ZNF131: variants seen among roughly 807,000 people sequenced by gnomAD.
ZNF131 encodes the protein zinc finger protein 131.
Under a neutral mutation model 60.0 loss-of-function variants are expected in ZNF131, and 7 were observed. The ratio of observed to expected loss-of-function variants is 0.12; its 90% confidence interval spans 0.07 to 0.22. The LOEUF (loss-of-function observed/expected upper bound fraction) is 0.22, where lower values mean the gene tolerates loss of function less well. ZNF131 is among the 10% of genes least tolerant of loss of function. The pLI, the probability that ZNF131 is intolerant of heterozygous loss-of-function variation, is 1.00. For missense variants in ZNF131, 493 were observed against 740.9 expected (o/e 0.67, Z 3.88); for synonymous variants, 257 against 253.2 (o/e 1.01, Z -0.14).
At chr5:43,135,372 C>G (rs1745944522) in intron 3 of ZNF131, among the ~76,000 whole-genome samples, 1 of 152,058 alleles carries the variant, frequency 6.6e-6, no homozygotes, top group Non-Finnish European at 1.5e-5. Flanking sequence ...ATATTGACAC[C>G]ATAAAGAATA....
At chr5:43,170,383 C>T (rs879193169) in intron 5 of ZNF131, among the ~76,000 whole-genome samples, 1 of 152,192 alleles carries the variant, frequency 6.6e-6, no homozygotes, top group African/African-American at 2.4e-5. Flanking sequence ...TCTAGGACCT[C>T]CTCATTACTG....
At chr5:43,122,955 C>A (rs1224109724) in intron 2 of ZNF131, among the ~76,000 whole-genome samples, 3 of 152,150 alleles carry the variant, frequency 2.0e-5, no homozygotes, top group Non-Finnish European at 4.4e-5. Flanking sequence ...CAAGAGGCTC[C>A]TTACCTAGTG....
chr5:43,175,587 G>T lies in ZNF131; in HGVS notation c.*454G>T. 1 of 621,730 alleles carries T rather than the reference G, an allele frequency of 1.6e-6. No individual in the cohort carries two copies. The highest frequency in any genetic ancestry group is 2.8e-6 in the Non-Finnish European group (1 of 351,778). 38.5% of individuals were successfully genotyped at this position (621,730 alleles called of 1,614,324 possible). ...AACACAAGGCTGCATGATGAAAAGT[G>T]CATTGTTACTGTGCAGTTAAATTTT... On this transcript the variant is annotated 3_prime_UTR_variant, in exon 7 of 7. Transcript: ENST00000682664.
In ZNF131 at chr5:43,172,570, C is replaced by T. The variant is rs376761427; in HGVS notation, c.1055-748C>T. 1.4e-3 allele frequency among the ~76,000 whole-genome samples: 216 copies of T among 150,346 alleles called. 6 individuals are homozygous for T. The South Asian group carries it at 0.043, about 30-fold the overall frequency. On this transcript the variant is annotated intron_variant, in intron 5 of 6. Coordinates refer to ENST00000682664, the MANE Select transcript of ZNF131 (RefSeq NM_001330707.2). Reference sequence around the variant, plus strand: ...CCGGGAGGCGGAGGTTGCAGTGAGCCGAGATTGTGCCACTGCACTCCAGCC... The same window carrying T: ...CCGGGAGGCGGAGGTTGCAGTGAGCTGAGATTGTGCCACTGCACTCCAGCC...
At chr5:43,143,521 C>A in intron 4 of ZNF131, 1 of 727,656 alleles carries the variant, frequency 1.4e-6, no homozygotes, top group Non-Finnish European at 2.0e-6. Context: ...AGCCAGACAT[C>A]GTTTCTTATT....
chr5:43,139,960 A>G (rs1384994182), intron 4 of ZNF131, among the ~76,000 whole-genome samples: 4 of 152,232 alleles, frequency 2.6e-5, no homozygotes, highest in African/African-American at 4.8e-5. Flanking sequence ...TTACGCCTGT[A>G]ATCCCAGCAC....
chr5:43,145,182 T>A (rs1253322261), intron 4 of ZNF131, among the ~76,000 whole-genome samples: 1 of 152,136 alleles, frequency 6.6e-6, no homozygotes, highest in Non-Finnish European at 1.5e-5. Context: ...GTCATAAGCC[T>A]CTAAAATCTC....
In ZNF131 at chr5:43,171,125, T is replaced by G. The variant is rs568448619; in HGVS notation, c.1055-2193T>G. On this transcript the variant is annotated intron_variant, in intron 5 of 6. Transcript: ENST00000682664. The stretch of plus-strand genomic sequence containing the variant: ...ACCCCCAGCTAATTATTTTTTTATT[T>G]CTAGTAGAGACAGGGTTTCACTATG... Among the ~76,000 whole-genome samples, 3 of 151,898 alleles carry G rather than the reference T, an allele frequency of 2.0e-5. No individual in the cohort carries two copies. The East Asian group carries it at 5.8e-4, about 30-fold the overall frequency.
chr5:43,137,763 G>A (rs35949944), intron 3 of ZNF131, among the ~76,000 whole-genome samples: 14,766 of 152,242 alleles, frequency 0.097, 851 homozygotes, highest in East Asian at 0.19. Flanking sequence ...TCAGGATCTT[G>A]AAGTTTTAGC....
At chr5:43,157,770 T>C (rs1204606999) in intron 4 of ZNF131, among the ~76,000 whole-genome samples, 1 of 152,188 alleles carries the variant, frequency 6.6e-6, no homozygotes, top group Non-Finnish European at 1.5e-5. Flanking sequence ...CCCAAGACAC[T>C]AAGGGGAGCA....
chr5:43,153,446 T>G, intron 4 of ZNF131, among the ~76,000 whole-genome samples: 3 of 119,052 alleles, frequency 2.5e-5, no homozygotes, highest in Admixed American at 1.1e-4. Context: ...ACCAACATGG[T>G]GAACTCCCAT....
At chr5:43,168,975 C>A (rs115584519) in intron 5 of ZNF131, among the ~76,000 whole-genome samples, 2 of 152,132 alleles carry the variant, frequency 1.3e-5, no homozygotes, top group African/African-American at 4.8e-5. Flanking sequence ...GAGGGAAATA[C>A]CAGACATGTT....
chr5:43,173,927 T>C (rs1751295147), intron 6 of ZNF131, among the ~76,000 whole-genome samples: 1 of 152,170 alleles, frequency 6.6e-6, no homozygotes. Context: ...TTGAAATGTT[T>C]CTCAAAATGT....
intron 4 of ZNF131, among the ~76,000 whole-genome samples, chr5:43,149,803 C>CTT (rs55674525): frequency 4.6e-5 from 7 of 151,858 alleles, no homozygotes; most frequent in Admixed American, 2.0e-4. Flanking sequence ...TTTTAATCGG[C>CTT]TTTTTTGCCA....
intron 4 of ZNF131, 34 bp from the exon 5 acceptor site, chr5:43,161,215 T>C (rs55714804): frequency 0.21 from 317,228 of 1,531,012 alleles, 35,515 homozygotes; most frequent in Middle Eastern, 0.28. Context: ...GATCTTCTTA[T>C]AGATTTTTTA....
At chr5:43,140,248 A>G (rs1239047081) in intron 4 of ZNF131, among the ~76,000 whole-genome samples, 1 of 152,212 alleles carries the variant, frequency 6.6e-6, no homozygotes, top group Non-Finnish European at 1.5e-5. Context: ...AAAACGTGAA[A>G]GGATATAATG....
At chr5:43,159,322 C>G (rs914891629) in intron 4 of ZNF131, among the ~76,000 whole-genome samples, 11 of 152,130 alleles carry the variant, frequency 7.2e-5, no homozygotes, top group Non-Finnish European at 1.6e-4. Flanking sequence ...TGAAGAGACT[C>G]AAGGAGAATT....
chr5:43,167,939 C>CTAAGAA (rs1298577309), intron 5 of ZNF131: 6 of 452,022 alleles, frequency 1.3e-5, no homozygotes, highest in African/African-American at 1.2e-4. Flanking sequence ...GTTCTGGATG[C>CTAAGAA]TAAGAAGTTC....
Position 43,161,484 on chromosome 5 carries a change from A to C in ZNF131, c.607A>C (p.Thr203Pro). ...AKQSVKYIQS[T>P]GSSDDSALAL... ...GCAGTCCGTAAAGTACATACAGAGCACAGGTTCCTCTGATGATTCTGCTCT... is the reference window on the plus strand; with the variant it reads ...GCAGTCCGTAAAGTACATACAGAGCCCAGGTTCCTCTGATGATTCTGCTCT... Residue 203 changes from threonine (T) to proline (P), a missense_variant, in exon 5 of 7, where the codon ACA becomes CCA. By Grantham distance (38) the Thr-to-Pro change is conservative. Around this residue, in one of 7 missense-constraint regions of ZNF131, gnomAD observed 138 missense variants for 158.7 expected, o/e 0.87. Coordinates refer to ENST00000682664, the MANE Select transcript of ZNF131 (RefSeq NM_001330707.2). 1 of 1,614,264 alleles carries C rather than the reference A, an allele frequency of 6.2e-7. No homozygotes were observed. The highest frequency in any genetic ancestry group is 8.5e-7 in the Non-Finnish European group (1 of 1,180,042).
Sources: gnomAD v4.1 joint callset for allele counts (sites outside exome capture counted in the v4.1 genomes callset) on GRCh38, gnomAD v4.1.1 for gene constraint, gnomAD v4.1.1 regional missense constraint, MANE v1.5 for transcripts, NCBI Gene and HGNC (gene_info 2026-07-23, HGNC 2026-07-21) for gene names.